Variants in CTNNA2 observed in about 807,000 individuals in gnomAD.
CTNNA2 encodes the protein catenin alpha-2.
Under a neutral mutation model 101.0 loss-of-function variants are expected in CTNNA2, and 42 were observed. The observed-to-expected ratio is 0.42, with a 90% CI of 0.32 to 0.54. CTNNA2 has a LOEUF of 0.54. Ranked by LOEUF, CTNNA2 falls within the 20% of genes least tolerant of loss-of-function variation. CTNNA2 has a pLI of 0.14. For synonymous variants in CTNNA2, 450 were observed against 456.4 expected, an observed-to-expected ratio of 0.99 and a Z score of 0.18; for missense variants, 871 against 1,223.1, an observed-to-expected ratio of 0.71 and a Z score of 4.29.
At chr2:80,325,095 G>A (rs770122270) in intron 7 of CTNNA2, among the ~76,000 whole-genome samples, 12 of 152,072 alleles carry the variant, frequency 7.9e-5, no homozygotes, top group Non-Finnish European at 1.8e-4. Flanking sequence ...AAGAATGCAA[G>A]GCATTAAAAA....
intron 4 of CTNNA2, among the ~76,000 whole-genome samples, chr2:79,403,359 A>G (rs1678309343): frequency 6.6e-6 from 1 of 151,974 alleles, no homozygotes; most frequent in Non-Finnish European, 1.5e-5. Flanking sequence ...ACTGTTCAAT[A>G]CATAGTCACT....
intron 7 of CTNNA2, among the ~76,000 whole-genome samples, chr2:80,233,008 T>G (rs1709345743): frequency 6.6e-6 from 1 of 152,176 alleles, no homozygotes. Context: ...TTCATCTACT[T>G]TATTCCTAAA....
intron 9 of CTNNA2, among the ~76,000 whole-genome samples, chr2:80,540,289 G>A (rs1191383860): frequency 6.6e-6 from 1 of 152,096 alleles, no homozygotes; most frequent in African/African-American, 2.4e-5. Flanking sequence ...TTAAAGAACA[G>A]GTTGTTGAAA....
rs140131916 is a variant in CTNNA2, at chr2:80,314,649, G to A, written c.1057-78562G>A. ...TGGGGGAGGATGCCTGACCATGAGT[G>A]AAGCTGCAAAGGAAACGTGTAAGGA... On this transcript the variant is annotated intron_variant, in intron 7 of 18. Coordinates refer to ENST00000402739, the MANE Select transcript of CTNNA2 (RefSeq NM_001282597.3). Among the ~76,000 whole-genome samples, 524 of 152,308 alleles carry A rather than the reference G, an allele frequency of 3.4e-3. 2 individuals are homozygous for A. Among genetic ancestry groups the A allele is most frequent in the African/African-American group, 0.012 (512 of 41,562 alleles).
intron 2 of CTNNA2, among the ~76,000 whole-genome samples, chr2:79,308,606 G>A (rs1168678492): frequency 6.6e-6 from 1 of 151,976 alleles, no homozygotes; most frequent in Non-Finnish European, 1.5e-5. Flanking sequence ...CATTTCCCCT[G>A]TTTTGTCTTC....
chr2:80,305,108 C>A, intron 7 of CTNNA2: 1 of 985,256 alleles, frequency 1.0e-6, no homozygotes, highest in Non-Finnish European at 1.2e-6. Flanking sequence ...AACGTTTGGA[C>A]CTTTGCTTTA....
intron 2 of CTNNA2, among the ~76,000 whole-genome samples, chr2:79,230,937 C>A (rs1344236332): frequency 1.3e-5 from 2 of 152,204 alleles, no homozygotes; most frequent in African/African-American, 4.8e-5. Flanking sequence ...TAATTTCTCC[C>A]ATTTGGAATG....
chr2:80,196,366 A>G (rs909553753), intron 7 of CTNNA2, among the ~76,000 whole-genome samples: 4 of 152,106 alleles, frequency 2.6e-5, no homozygotes, highest in African/African-American at 9.7e-5. Context: ...ACATGAGCAA[A>G]CTATGCTATT....
intron 2 of CTNNA2, among the ~76,000 whole-genome samples, chr2:79,678,528 C>T (rs890481357): frequency 6.8e-6 from 1 of 146,596 alleles, no homozygotes; most frequent in African/African-American, 2.7e-5. Context: ...GAGCCACACC[C>T]TGTCTCAAAC....
At chr2:79,717,951 A>G (rs931178791) in intron 2 of CTNNA2, among the ~76,000 whole-genome samples, 1 of 151,854 alleles carries the variant, frequency 6.6e-6, no homozygotes, top group Non-Finnish European at 1.5e-5. Context: ...TTGAAGTCCC[A>G]GATAGTTAGG....
rs149066235 is a variant in CTNNA2, at chr2:79,930,530, T to C, written c.1056+20733T>C. Among the ~76,000 whole-genome samples, 548 of 152,236 alleles carry C rather than the reference T, an allele frequency of 3.6e-3. 2 individuals are homozygous for C. The highest frequency in any genetic ancestry group is 0.011 in the African/African-American group (467 of 41,530). On this transcript the variant is annotated intron_variant, in intron 7 of 18. Transcript: ENST00000402739. ...AAACTTTTGCGAAATAAGGATTGCA[T>C]TATGATGCCTGGACGTCCATTTTGG... is the stretch of plus-strand genomic sequence containing the variant.
At chr2:79,530,428 T>C (rs958262878) in intron 1 of CTNNA2, among the ~76,000 whole-genome samples, 1 of 152,176 alleles carries the variant, frequency 6.6e-6, no homozygotes, top group Non-Finnish European at 1.5e-5. Flanking sequence ...AAACCATTTC[T>C]AGTTTTCACA....
At chr2:79,668,017 G>A (rs1343970638) in intron 2 of CTNNA2, among the ~76,000 whole-genome samples, 1 of 150,402 alleles carries the variant, frequency 6.6e-6, no homozygotes, top group African/African-American at 2.4e-5. Flanking sequence ...GAGGCGGGTG[G>A]ATCATGAGGT....
intron 15 of CTNNA2, among the ~76,000 whole-genome samples, chr2:80,597,766 G>A (rs922056422): frequency 2.0e-5 from 3 of 152,160 alleles, no homozygotes; most frequent in African/African-American, 7.2e-5. Context: ...AAACCACAAT[G>A]AGATACCATC....
intron 18 of CTNNA2, among the ~76,000 whole-genome samples, chr2:80,639,869 G>A (rs1281115221): frequency 1.3e-5 from 2 of 152,044 alleles, no homozygotes; most frequent in Non-Finnish European, 2.9e-5. Context: ...TTGGGAGGTC[G>A]AGGTGGGCAG....
At chr2:80,013,869 C>G (rs984405461) in intron 7 of CTNNA2, among the ~76,000 whole-genome samples, 1 of 152,188 alleles carries the variant, frequency 6.6e-6, no homozygotes, top group Non-Finnish European at 1.5e-5. Flanking sequence ...TCTGCTGGCT[C>G]CTCCTCCAGT....
intron 3 of CTNNA2, among the ~76,000 whole-genome samples, chr2:79,840,690 G>A (rs1287719885): frequency 1.3e-5 from 2 of 151,822 alleles, no homozygotes; most frequent in Non-Finnish European, 2.9e-5. Flanking sequence ...CCCAGTCCCC[G>A]GGGAGGCCAA....
chr2:79,497,830 T>C (rs114073445), intron 4 of CTNNA2, among the ~76,000 whole-genome samples: 1,538 of 152,320 alleles, frequency 0.01, 14 homozygotes, highest in African/African-American at 0.035. Context: ...TTATTAACTT[T>C]ATATATAAAT....
intron 7 of CTNNA2, among the ~76,000 whole-genome samples, chr2:80,058,684 A>G (rs1462179723): frequency 1.3e-5 from 2 of 152,140 alleles, no homozygotes; most frequent in Non-Finnish European, 2.9e-5. Flanking sequence ...TTTAAGTGCC[A>G]TAGAACCTTA....
Sources: allele counts gnomAD v4.1 joint callset (sites outside exome capture counted in the v4.1 genomes callset), GRCh38; gene constraint gnomAD v4.1.1; transcripts MANE v1.5; gene names NCBI Gene and HGNC (gene_info 2026-07-23, HGNC 2026-07-21).